The following NCOR2 variants were observed in gnomAD, a reference collection of about 807,000 sequenced individuals.
The protein encoded by NCOR2 is CTG repeat protein 26.
NCOR2 carries 81 observed loss-of-function variants against 262.9 expected under a neutral mutation model. The observed-to-expected ratio is 0.31, with a 90% confidence interval of 0.26 to 0.37. The LOEUF (loss-of-function observed/expected upper bound fraction) is 0.37. Ranked by LOEUF, NCOR2 falls within the 10% of genes least tolerant of loss-of-function variation. The pLI is 1.00. For missense variants in NCOR2, 3,385 were observed against 3,621.4 expected (o/e 0.93, Z 1.68); for synonymous variants, 1,659 against 1,559.3 (o/e 1.06, Z -1.51).
intron 1 of NCOR2, among the ~76,000 whole-genome samples, chr12:124,521,505 C>G (rs2050186824): frequency 6.6e-6 from 1 of 152,154 alleles, no homozygotes; most frequent in Admixed American, 6.5e-5. Context: ...GTGAAAGAAG[C>G]CAAAACCCAC....
rs182180547 is a variant in NCOR2, at chr12:124,489,272, A to C, written c.106-2704T>G. On this transcript the variant is annotated intron_variant, in intron 1 of 46. Coordinates refer to ENST00000405201, the Ensembl canonical transcript of NCOR2. ...ATTAATCATAAAAAACAACAATAAT[A>C]CCCCACAGTAATAAATTGCCTTTGT... Among the ~76,000 whole-genome samples, 597 of 151,966 alleles carry C rather than the reference A, an allele frequency of 3.9e-3. 3 individuals carry two copies. The highest frequency in any genetic ancestry group is 6.8e-3 in the Non-Finnish European group (460 of 67,958).
At chr12:124,439,355 AGACAGAGACCCGGAGACAGAGG>A (rs1262567649) in intron 7 of NCOR2, among the ~76,000 whole-genome samples, 3 of 144,922 alleles carry the variant, frequency 2.1e-5, no homozygotes, top group Admixed American at 7.0e-5. Context: ...AGAGAGAGGG[AGACAGAGACCCGGAGACAGAGG>A]GAGACAGAGA....
At chr12:124,394,220 G>A (rs549053776) in intron 16 of NCOR2, among the ~76,000 whole-genome samples, 33 of 152,310 alleles carry the variant, frequency 2.2e-4, no homozygotes, top group African/African-American at 5.1e-4. Context: ...TATGTGGCTC[G>A]CTCCGTCTTT....
rs1315395154 is a variant in NCOR2, at chr12:124,504,214, T to A, written c.-117-8846A>T. Reference sequence around the variant, plus strand: ...CCTCCTCCTTGACCCCGGGTAGATGTACAGGGTAGAGATACGTGGGCCAGG... The same window carrying A: ...CCTCCTCCTTGACCCCGGGTAGATGAACAGGGTAGAGATACGTGGGCCAGG... On this transcript the variant is annotated intron_variant, in intron 1 of 46. Coordinates refer to the NCOR2 transcript ENST00000404621. This position sits in a 1 kb window ranked among gnomAD's most constrained non-coding sequence, Gnocchi z 4.5. Among the ~76,000 whole-genome samples, 1 of 152,186 alleles carries A rather than the reference T, an allele frequency of 6.6e-6. No homozygotes were observed. The highest frequency in any genetic ancestry group is 1.5e-5 in the Non-Finnish European group (1 of 68,024).
chr12:124,340,440 C>T (rs752929060), exon 36 of NCOR2: 10 of 1,611,762 alleles, frequency 6.2e-6, no homozygotes, highest in Non-Finnish European at 7.6e-6. Context: ...GTGTGTTGGA[C>T]CTCCTAGGAA....
chr12:124,463,760 G>C (rs1376741346), intron 5 of NCOR2, among the ~76,000 whole-genome samples: 4 of 152,200 alleles, frequency 2.6e-5, no homozygotes. Flanking sequence ...AGGCGGCTGG[G>C]GGCCTCCCGC....
intron 11 of NCOR2, among the ~76,000 whole-genome samples, chr12:124,424,454 C>G (rs564183525): frequency 6.6e-6 from 1 of 152,308 alleles, no homozygotes; most frequent in Non-Finnish European, 1.5e-5. Flanking sequence ...AGGAACCAAG[C>G]GCTGTTTCCT....
At chr12:124,349,983 A>C (rs913336964) in intron 28 of NCOR2, among the ~76,000 whole-genome samples, 1 of 152,168 alleles carries the variant, frequency 6.6e-6, no homozygotes, top group Non-Finnish European at 1.5e-5. Flanking sequence ...CTGCGGGCAC[A>C]GGCGGAAGTG....
rs2048963283 is a variant in NCOR2 at position 124,504,946 on chromosome 12, G to T, written c.-117-9578C>A. Among the ~76,000 whole-genome samples, 1 of 152,218 alleles carries T rather than the reference G, an allele frequency of 6.6e-6. No individual in the cohort carries two copies. The highest frequency in any genetic ancestry group is 2.1e-4 in the South Asian group (1 of 4,830). On this transcript the variant is annotated intron_variant, in intron 1 of 46. Coordinates refer to the NCOR2 transcript ENST00000404621. This position sits in a 1 kb window ranked among gnomAD's most constrained non-coding sequence, Gnocchi z 4.5. ...GGAGGATGAAACTGTTTTGGAATTA[G>T]ACAGAGGTGGTGGTTGCACAACCCG...
chr12:124,340,194 C>CCGCTGCTG lies in NCOR2; in HGVS notation c.5498_5499insCAGCAGCG (p.Gln1833HisfsTer51), dbSNP rs1350235904. ...CACCCCCGCCGCTGCTGCCGCTGCT[C>CCGCTGCTG]TGCTCTGTACCTGGTGACAGTCAGT... On this transcript the variant is annotated frameshift_variant, in exon 37 of 47. Coordinates refer to ENST00000405201, the Ensembl canonical transcript of NCOR2. LOFTEE classifies it high-confidence loss of function. 1.4e-5 allele frequency: 5 copies of CCGCTGCTG among 356,330 alleles called. No homozygotes were observed. Among genetic ancestry groups the CCGCTGCTG allele is most frequent in the Non-Finnish European group, 1.6e-5 (4 of 250,356 alleles). 22.1% of individuals were successfully genotyped at this position (356,330 alleles called of 1,614,324 possible).
chr12:124,489,130 C>T (rs899640264), intron 1 of NCOR2, among the ~76,000 whole-genome samples: 1 of 151,978 alleles, frequency 6.6e-6, no homozygotes, highest in Non-Finnish European at 1.5e-5. Flanking sequence ...ATTGGGGAGG[C>T]CCCACCAGAG....
chr12:124,445,255 C>A (rs554577253), intron 7 of NCOR2, among the ~76,000 whole-genome samples: 2 of 152,212 alleles, frequency 1.3e-5, no homozygotes, highest in African/African-American at 4.8e-5. Flanking sequence ...CATAGACTCC[C>A]GGGAATTCCT....
chr12:124,379,735 C>A (rs1180692753), intron 17 of NCOR2, among the ~76,000 whole-genome samples: 1 of 152,338 alleles, frequency 6.6e-6, no homozygotes. Context: ...TATTTAGAAA[C>A]GGGATCCTGC....
intron 41 of NCOR2, 89 bp downstream of exon 43, chr12:124,334,335 A>G: frequency 1.0e-6 from 1 of 973,262 alleles, no homozygotes; most frequent in Middle Eastern, 3.2e-4. Context: ...CCTCATATGC[A>G]GCTGAGCTCA....
intron 38 of NCOR2, chr12:124,336,498 G>C: frequency 1.1e-6 from 1 of 925,304 alleles, no homozygotes; most frequent in Non-Finnish European, 1.4e-6. Context: ...TCGTCAGCGC[G>C]TGCAAACCGG....
At position 124,438,559 on chromosome 12, in the gene NCOR2, C is replaced by CG. The variant is rs200579534; in HGVS notation, c.816-564dup. On this transcript the variant is annotated intron_variant, in intron 7 of 46. Coordinates refer to ENST00000405201, the Ensembl canonical transcript of NCOR2. ...GCATGGACTTCAGGAAACCCCCGGG[C>CG]GGGGGCGGTCTCAGACTTCAGGGCA... is the stretch of plus-strand genomic sequence containing the variant. Among the ~76,000 whole-genome samples, 760 of 151,396 alleles carry CG rather than the reference C, an allele frequency of 5.0e-3. 9 individuals are homozygous for CG. The highest frequency in any genetic ancestry group is 0.018 in the African/African-American group (731 of 41,052).
rs2050308873 is a variant in NCOR2, at chr12:124,523,644, A to AC, written c.-118+11920_-118+11921insG. ...AACCATAGCTGATGAACTAAAAAAA[A>AC]AAAAAACAAAAAACCGAAAAACAAT... On this transcript the variant is annotated intron_variant, in intron 1 of 46. Transcript: ENST00000404621. This position sits in a 1 kb window ranked among gnomAD's most constrained non-coding sequence, Gnocchi z 4.0. Among the ~76,000 whole-genome samples the AC allele has an allele frequency of 6.6e-6, 1 of 151,678 alleles. No individual in the cohort carries two copies. The highest frequency in any genetic ancestry group is 1.5e-5 in the Non-Finnish European group (1 of 67,918).
intron 20 of NCOR2, among the ~76,000 whole-genome samples, chr12:124,367,728 G>A (rs2039152130): frequency 6.6e-6 from 1 of 152,184 alleles, no homozygotes; most frequent in Non-Finnish European, 1.5e-5. Flanking sequence ...TGCTTCCTGG[G>A]CTCAAGTGAT....
At chr12:124,486,074 C>G (rs753126985) in intron 2 of NCOR2, among the ~76,000 whole-genome samples, 2 of 152,158 alleles carry the variant, frequency 1.3e-5, no homozygotes, top group Non-Finnish European at 2.9e-5. Context: ...AGGGTGTCCT[C>G]TGCCAGCTGG....
Sources: gnomAD v4.1 joint callset for allele counts (sites outside exome capture counted in the v4.1 genomes callset) on GRCh38, gnomAD v4.1.1 for gene constraint, Gnocchi (gnomAD v3.1) non-coding constraint, MANE v1.5 for transcripts, NCBI Gene and HGNC (gene_info 2026-07-23, HGNC 2026-07-21) for gene names.